JAKMIP2: variants seen among roughly 807,000 people sequenced by gnomAD.
JAKMIP2 encodes janus kinase and microtubule-interacting protein 2.
JAKMIP2 carries 25 observed loss-of-function variants against 115.0 expected under a neutral mutation model. The observed-to-expected ratio is 0.22, with a 90% CI of 0.16 to 0.30. JAKMIP2 has a LOEUF of 0.30. Among genes scored for constraint, JAKMIP2 ranks in the 10% least tolerant of loss-of-function variants. The pLI is 1.00. For synonymous variants in JAKMIP2, 334 were observed against 343.6 expected (o/e 0.97, Z 0.31); for missense variants, 642 against 957.6 (o/e 0.67, Z 4.35).
chr5:147,739,206 G>A (rs1754046793), intron 1 of JAKMIP2, among the ~76,000 whole-genome samples: 1 of 152,160 alleles, frequency 6.6e-6, no homozygotes, highest in African/African-American at 2.4e-5. Context: ...CTCTCACCAA[G>A]AAAGATGGAG....
At chr5:147,674,358 G>A (rs1759806274) in intron 1 of JAKMIP2, among the ~76,000 whole-genome samples, 1 of 152,180 alleles carries the variant, frequency 6.6e-6, no homozygotes, top group African/African-American at 2.4e-5. Flanking sequence ...AAAGGAGCTT[G>A]GGAATAGCTT....
chr5:147,613,721 C>T (rs760818460), intron 19 of JAKMIP2, among the ~76,000 whole-genome samples: 1 of 152,114 alleles, frequency 6.6e-6, no homozygotes, highest in Non-Finnish European at 1.5e-5. Flanking sequence ...ACAGCCACCC[C>T]TCCCCCTAAA....
At chr5:147,629,159 TC>T (rs1325488452) in intron 15 of JAKMIP2, among the ~76,000 whole-genome samples, 16 of 152,310 alleles carry the variant, frequency 1.1e-4, no homozygotes, top group African/African-American at 3.6e-4. Flanking sequence ...TTCTGTTCTC[TC>T]CTTTGATAAT....
At chr5:147,680,067 C>T (rs559490916) in intron 1 of JAKMIP2, among the ~76,000 whole-genome samples, 1 of 152,278 alleles carries the variant, frequency 6.6e-6, no homozygotes, top group East Asian at 1.9e-4. Context: ...CTTCTGTTTC[C>T]TCACTGTAAA....
chr5:147,604,266 A>G (rs2126594768), intron 20 of JAKMIP2, among the ~76,000 whole-genome samples: 1 of 152,328 alleles, frequency 6.6e-6, no homozygotes, highest in East Asian at 1.9e-4. Context: ...TTTTGCAGAG[A>G]ATGTATACTT....
At chr5:147,684,218 G>A (rs1485896147) in intron 1 of JAKMIP2, among the ~76,000 whole-genome samples, 2 of 147,006 alleles carry the variant, frequency 1.4e-5, no homozygotes, top group Non-Finnish European at 3.0e-5. Flanking sequence ...CCATAATTAT[G>A]TGCAAGGCAT....
chr5:147,643,562 T>C (rs759369592), intron 7 of JAKMIP2, among the ~76,000 whole-genome samples: 1 of 152,236 alleles, frequency 6.6e-6, no homozygotes, highest in Non-Finnish European at 1.5e-5. Context: ...GAAGTAATGA[T>C]CAGAAAATCT....
intron 1 of JAKMIP2, among the ~76,000 whole-genome samples, chr5:147,692,189 G>A (rs1381846768): frequency 2.0e-5 from 3 of 152,140 alleles, no homozygotes; most frequent in Non-Finnish European, 4.4e-5. Flanking sequence ...ATATATCCAG[G>A]GGAGAATGTC....
intron 1 of JAKMIP2, among the ~76,000 whole-genome samples, chr5:147,778,100 C>T (rs532531652): frequency 1.1e-4 from 17 of 151,786 alleles, no homozygotes; most frequent in Admixed American, 5.9e-4. Context: ...ATCCTAAACA[C>T]GGAAAAAAAT....
chr5:147,651,449 A>G (rs1458985632), intron 3 of JAKMIP2, among the ~76,000 whole-genome samples: 1 of 152,224 alleles, frequency 6.6e-6, no homozygotes, highest in African/African-American at 2.4e-5. Flanking sequence ...GAGCATAGCC[A>G]TTGGGTGAAA....
At chr5:147,679,301 ACT>A (rs746376573) in intron 1 of JAKMIP2, among the ~76,000 whole-genome samples, 2 of 151,898 alleles carry the variant, frequency 1.3e-5, no homozygotes, top group Non-Finnish European at 2.9e-5. Context: ...TTTTCTACTG[ACT>A]CTCACATCAT....
At chr5:147,721,147 C>T (rs1580833090) in intron 1 of JAKMIP2, among the ~76,000 whole-genome samples, 1 of 151,822 alleles carries the variant, frequency 6.6e-6, no homozygotes, top group East Asian at 1.9e-4. Flanking sequence ...GGGTGCCTCC[C>T]AGTTAGGCTG....
rs1754924969 is a variant in JAKMIP2 at position 147,587,522 on chromosome 5, C to T, written c.*4185G>A. 6.6e-6 allele frequency: 1 copy of T among 151,972 alleles called. No individual in the cohort carries two copies. The highest frequency in any genetic ancestry group is 2.4e-5 in the African/African-American group (1 of 41,346). 9.4% of individuals were successfully genotyped at this position (151,972 alleles called of 1,614,324 possible). Reference sequence around the variant, plus strand: ...TTTAAAAATAAAATTTCTATGCTGTCCATCTATCTTGATGTAATATAACAC... The same window carrying T: ...TTTAAAAATAAAATTTCTATGCTGTTCATCTATCTTGATGTAATATAACAC... On this transcript the variant is annotated 3_prime_UTR_variant, in exon 22 of 22. Coordinates refer to ENST00000616793, the MANE Select transcript of JAKMIP2 (RefSeq NM_001270941.2).
In JAKMIP2 at chr5:147,639,679, G is replaced by A. The variant is rs753856732; in HGVS notation, c.1483C>T (p.Leu495=). ...YQALQRAYAL[L]QEQTGGIIDA... ...ATGATGCCTCCCGTCTGCTCCTGTAGGAGGGCATATGCTCTTTGGAGGGCC... is the reference window on the plus strand; with the variant it reads ...ATGATGCCTCCCGTCTGCTCCTGTAAGAGGGCATATGCTCTTTGGAGGGCC... Residue 495 remains leucine, a synonymous_variant, in exon 10 of 22, where the codon CTA becomes TTA. Transcript: ENST00000616793. 1.2e-6 allele frequency: 2 copies of A among 1,613,876 alleles called. No individual in the cohort carries two copies. Among genetic ancestry groups the A allele is most frequent in the East Asian group, 2.2e-5 (1 of 44,862 alleles).
chr5:147,650,561 G>A lies in JAKMIP2; in HGVS notation c.628-14C>T. On this transcript the variant is annotated splice_polypyrimidine_tract_variant and intron_variant, in intron 3 of 21. Coordinates refer to ENST00000616793, the MANE Select transcript of JAKMIP2 (RefSeq NM_001270941.2). ...GATTTCATCCATCTGAATTAAATGA[G>A]ACCCAGGACATTTTATTTAACAATG... 1.3e-6 allele frequency: 2 copies of A among 1,583,608 alleles called. No homozygotes were observed. Among genetic ancestry groups the A allele is most frequent in the Admixed American group, 1.7e-5 (1 of 59,684 alleles).
chr5:147,628,220 C>A (rs1757194645), intron 16 of JAKMIP2, among the ~76,000 whole-genome samples: 1 of 152,080 alleles, frequency 6.6e-6, no homozygotes, highest in Non-Finnish European at 1.5e-5. Context: ...TCTGAATACA[C>A]CAATTTATCT....
chr5:147,671,493 T>G (rs190039765), intron 2 of JAKMIP2, among the ~76,000 whole-genome samples, 185 bp downstream of exon 2: 1 of 152,228 alleles, frequency 6.6e-6, no homozygotes, highest in African/African-American at 2.4e-5. Flanking sequence ...TCACTTTCTG[T>G]GTGTCCTGTG....
At chr5:147,768,558 T>G (rs1030568355) in intron 1 of JAKMIP2, among the ~76,000 whole-genome samples, 4 of 152,156 alleles carry the variant, frequency 2.6e-5, no homozygotes, top group African/African-American at 9.7e-5. Context: ...CAGATACTCT[T>G]TGGTAGTAAT....
intron 1 of JAKMIP2, among the ~76,000 whole-genome samples, chr5:147,766,859 G>C (rs2127064942): frequency 6.6e-6 from 1 of 152,258 alleles, no homozygotes; most frequent in East Asian, 1.9e-4. Flanking sequence ...ATATTTTGCA[G>C]AGCAGAGAAT....
Sources: allele counts gnomAD v4.1 joint callset (sites outside exome capture counted in the v4.1 genomes callset), GRCh38; gene constraint gnomAD v4.1.1; transcripts MANE v1.5; gene names NCBI Gene and HGNC (gene_info 2026-07-23, HGNC 2026-07-21).